The following CUX1 variants were observed in gnomAD, a reference collection of about 807,000 sequenced individuals.
CUX1 encodes the protein protein CASP.
A neutral mutation model predicts 158.8 loss-of-function variants in CUX1; 31 were observed. That is an observed-to-expected ratio of 0.20 (90% CI 0.15 to 0.26). CUX1 has a LOEUF of 0.26. CUX1 is among the 10% of genes least tolerant of loss of function. CUX1 has a pLI of 1.00. For missense variants in CUX1, 1,589 were observed against 2,014.6 expected, an observed-to-expected ratio of 0.79 and a Z score of 4.04; for synonymous variants, 879 against 862.1, an observed-to-expected ratio of 1.02 and a Z score of -0.34.
chr7:101,941,239 G>A (rs1188204153), intron 2 of CUX1, among the ~76,000 whole-genome samples: 1 of 152,204 alleles, frequency 6.6e-6, no homozygotes, highest in Non-Finnish European at 1.5e-5. Flanking sequence ...AGACCCAGAA[G>A]CCATGCTGGA....
At position 102,253,784 on chromosome 7, in the gene CUX1, T is replaced by C. The variant is rs975839686; in HGVS notation, c.*4742T>C. 2.0e-6 allele frequency: 2 copies of C among 985,402 alleles called. No homozygotes were observed. Among genetic ancestry groups the C allele is most frequent in the Admixed American group, 6.1e-5 (1 of 16,266 alleles). The allele number at this position is 985,402 out of a possible 1,614,324, so 61.0% of individuals were successfully genotyped here. A position where few individuals can be genotyped will look rare whatever the true frequency, so the allele number is the denominator to read the frequency against. On this transcript the variant is annotated 3_prime_UTR_variant, in exon 24 of 24. Coordinates refer to ENST00000292535, the MANE Select transcript of CUX1 (RefSeq NM_181552.4). ...GACAAGCCAGCTGTACAGGGCGAGA[T>C]GTAGCAACACGGGGCATGAGCGGTG...
Position 102,039,804 on chromosome 7 carries a change from G to A in CUX1, c.189+11659G>A, listed in dbSNP as rs137866096. Among the ~76,000 whole-genome samples, 15 of 152,030 alleles carry A rather than the reference G, an allele frequency of 9.9e-5. No individual in the cohort carries two copies. The East Asian group carries it at 2.1e-3, about 22-fold the overall frequency. On this transcript the variant is annotated intron_variant, in intron 3 of 23. Transcript: ENST00000292535. ...TTGTCTCGTGTACATCCATAACTGTGTCCATGCGCTTTGCTACAACCACGA... is the reference window on the plus strand; with the variant it reads ...TTGTCTCGTGTACATCCATAACTGTATCCATGCGCTTTGCTACAACCACGA...
At chr7:102,116,836 T>G (rs142561520) in intron 8 of CUX1, among the ~76,000 whole-genome samples, 17 of 152,032 alleles carry the variant, frequency 1.1e-4, no homozygotes, top group Non-Finnish European at 2.1e-4. Flanking sequence ...AGGGGTGTGG[T>G]GTGCATGAAG....
chr7:101,868,953 G>A (rs938156759), intron 1 of CUX1, among the ~76,000 whole-genome samples: 2 of 152,202 alleles, frequency 1.3e-5, no homozygotes, highest in African/African-American at 4.8e-5. Flanking sequence ...GGCGAGAACA[G>A]GAGAGGAGAG....
At chr7:101,974,520 C>T (rs1397564919) in intron 2 of CUX1, among the ~76,000 whole-genome samples, 4 of 152,120 alleles carry the variant, frequency 2.6e-5, no homozygotes, top group Non-Finnish European at 5.9e-5. Context: ...ATTCAGGCAG[C>T]GCTGGGAAAC....
intron 20 of CUX1, among the ~76,000 whole-genome samples, chr7:102,224,801 G>A (rs145447739): frequency 6.6e-6 from 1 of 152,322 alleles, no homozygotes; most frequent in Admixed American, 6.5e-5. Flanking sequence ...AACAAAACAG[G>A]GAGATGCCAC....
rs1328271569 is a variant in CUX1 at position 101,836,289 on chromosome 7, G to A, written c.30+18620G>A. Among the ~76,000 whole-genome samples the A allele has an allele frequency of 2.0e-5, 3 of 151,992 alleles. No individual in the cohort carries two copies. In the East Asian group the frequency reaches 5.8e-4, roughly 29 times the overall value. ...TGTCTCTTCCTCAGATTTCTCCTGG[G>A]GTGCAGGTGCTCCCCTGCGAACCAC... is the stretch of plus-strand genomic sequence containing the variant. On this transcript the variant is annotated intron_variant, in intron 1 of 23. Coordinates refer to ENST00000292535, the MANE Select transcript of CUX1 (RefSeq NM_181552.4).
chr7:102,251,143 G>A lies in CUX1; in HGVS notation c.*2101G>A, dbSNP rs1408660488. 2.0e-6 allele frequency: 2 copies of A among 983,904 alleles called. No homozygotes were observed. Among genetic ancestry groups the A allele is most frequent in the African/African-American group, 1.8e-5 (1 of 56,978 alleles). The allele number at this position is 983,904 out of a possible 1,614,324, so 60.9% of individuals were successfully genotyped here. A position where few individuals can be genotyped will look rare whatever the true frequency, so the allele number is the denominator to read the frequency against. On this transcript the variant is annotated 3_prime_UTR_variant, in exon 24 of 24. Coordinates refer to ENST00000292535, the MANE Select transcript of CUX1 (RefSeq NM_181552.4). Reference sequence around the variant, plus strand: ...TGATTGAAAACTTTTTGACCGTATTGTGTATCATTGAAACCTTTGTCTTAG... The same window carrying A: ...TGATTGAAAACTTTTTGACCGTATTATGTATCATTGAAACCTTTGTCTTAG...
At chr7:102,045,973 C>T (rs572318942) in intron 3 of CUX1, among the ~76,000 whole-genome samples, 1 of 152,268 alleles carries the variant, frequency 6.6e-6, no homozygotes, top group South Asian at 2.1e-4. Flanking sequence ...TCTGAATCTC[C>T]CAGTGCCTGG....
intron 1 of CUX1, among the ~76,000 whole-genome samples, chr7:101,862,143 T>G (rs1296811407): frequency 1.3e-5 from 2 of 152,220 alleles, no homozygotes; most frequent in Non-Finnish European, 2.9e-5. Flanking sequence ...CCACCCCTAA[T>G]GTTTTGATTT....
rs1554541641 is a variant in CUX1, at chr7:102,255,282, T to G, written c.*6240T>G. 1.0e-6 allele frequency: 1 copy of G among 985,286 alleles called. No individual in the cohort carries two copies. The highest frequency in any genetic ancestry group is 1.2e-6 in the Non-Finnish European group (1 of 829,948). The allele number at this position is 985,286 out of a possible 1,614,324, so 61.0% of individuals were successfully genotyped here. On this transcript the variant is annotated 3_prime_UTR_variant, in exon 24 of 24. Coordinates refer to ENST00000292535, the MANE Select transcript of CUX1 (RefSeq NM_181552.4). ...TCCGTGGCATCATCTCGAGTTTTCA[T>G]TTTTGGATGAAGTGACATTTAGCTT...
At chr7:102,192,910 AAC>A (rs1794432152) in intron 12 of CUX1, among the ~76,000 whole-genome samples, 1 of 152,230 alleles carries the variant, frequency 6.6e-6, no homozygotes, top group Non-Finnish European at 1.5e-5. Context: ...GAACTCAAGA[AAC>A]AGTAATAATC....
intron 8 of CUX1, among the ~76,000 whole-genome samples, chr7:102,133,919 G>A (rs1256017701): frequency 4.6e-5 from 7 of 152,162 alleles, no homozygotes; most frequent in South Asian, 4.1e-4. Context: ...TCTCATTCCC[G>A]TTGTTACGGA....
At chr7:102,052,029 T>C (rs1336618778) in intron 3 of CUX1, among the ~76,000 whole-genome samples, 1 of 152,002 alleles carries the variant, frequency 6.6e-6, no homozygotes, top group Non-Finnish European at 1.5e-5. Flanking sequence ...CTGGCCAACA[T>C]GGCGAAACCC....
intron 21 of CUX1, among the ~76,000 whole-genome samples, chr7:102,282,324 G>A (rs528088166): frequency 3.9e-5 from 6 of 152,264 alleles, no homozygotes; most frequent in African/African-American, 1.2e-4. Context: ...TCTAGTTAGC[G>A]GATAAGGGCC....
intron 16 of CUX1, among the ~76,000 whole-genome samples, chr7:102,199,186 C>A (rs781867969): frequency 6.6e-6 from 1 of 152,162 alleles, no homozygotes; most frequent in African/African-American, 2.4e-5. Flanking sequence ...AAAATAACAG[C>A]GGTTGCTCTG....
At chr7:101,864,876 A>T (rs1440877576) in intron 1 of CUX1, among the ~76,000 whole-genome samples, 1 of 152,220 alleles carries the variant, frequency 6.6e-6, no homozygotes, top group Non-Finnish European at 1.5e-5. Flanking sequence ...TTTAATACTT[A>T]TTTAAGCTTC....
At chr7:102,071,780 T>C (rs560392969) in intron 4 of CUX1, among the ~76,000 whole-genome samples, 2 of 152,316 alleles carry the variant, frequency 1.3e-5, no homozygotes, top group South Asian at 4.1e-4. Flanking sequence ...GGACAGGGAA[T>C]GAGGAGACCC....
In CUX1 at chr7:102,254,875, G is replaced by A. The variant is rs1454660950; in HGVS notation, c.*5833G>A. 9.1e-6 allele frequency: 9 copies of A among 985,326 alleles called. No homozygotes were observed. The highest frequency in any genetic ancestry group is 6.2e-5 in the Admixed American group (1 of 16,252). The allele number at this position is 985,326 out of a possible 1,614,324, so 61.0% of individuals were successfully genotyped here. A position where few individuals can be genotyped will look rare whatever the true frequency, so the allele number is the denominator to read the frequency against. On this transcript the variant is annotated 3_prime_UTR_variant, in exon 24 of 24. Coordinates refer to ENST00000292535, the MANE Select transcript of CUX1 (RefSeq NM_181552.4). ...AATTTGATGATCTTATTTCTATTTC[G>A]ATCAGGTTTTGACTTTTTGTAGATG... is the stretch of plus-strand genomic sequence containing the variant.
Sources: gnomAD v4.1 joint callset for allele counts (sites outside exome capture counted in the v4.1 genomes callset) on GRCh38, gnomAD v4.1.1 for gene constraint, MANE v1.5 for transcripts, NCBI Gene and HGNC (gene_info 2026-07-23, HGNC 2026-07-21) for gene names.